The following DTNBP1 variants were observed in gnomAD, a reference collection of about 807,000 sequenced individuals.
DTNBP1 encodes dystrobrevin binding protein 1.
DTNBP1 carries 35 observed loss-of-function variants against 42.8 expected under a neutral mutation model. That is an observed-to-expected ratio of 0.82 (90% confidence interval 0.63 to 1.09). The LOEUF (loss-of-function observed/expected upper bound fraction) is 1.09, where lower values mean the gene tolerates loss of function less well. Ranked by LOEUF, DTNBP1 falls within the 50% of genes least tolerant of loss-of-function variation. The probability of loss-of-function intolerance (pLI) is 0.00; values close to 1 mark genes in which losing one functional copy is unlikely to be tolerated. For missense variants in DTNBP1, 457 were observed against 424.2 expected (o/e 1.08, Z -0.68); for synonymous variants, 171 against 162.2 (o/e 1.05, Z -0.41).
intron 4 of DTNBP1, among the ~76,000 whole-genome samples, chr6:15,634,011 G>A (rs2619550): frequency 6.6e-6 from 1 of 151,774 alleles, no homozygotes; most frequent in Non-Finnish European, 1.5e-5. Context: ...TGGCAATATT[G>A]GCTTTATTGC....
intron 6 of DTNBP1, among the ~76,000 whole-genome samples, chr6:15,603,964 G>C (rs1776829483): frequency 6.6e-6 from 1 of 152,120 alleles, no homozygotes; most frequent in Non-Finnish European, 1.5e-5. Context: ...TCCTCTCTGG[G>C]ACTATGTCCT....
chr6:15,627,169 T>G (rs1275630206), intron 5 of DTNBP1, among the ~76,000 whole-genome samples, 174 bp downstream of exon 5: 3 of 152,134 alleles, frequency 2.0e-5, no homozygotes, highest in Non-Finnish European at 4.4e-5. Flanking sequence ...TTTCTACACT[T>G]TACATCATTT....
intron 7 of DTNBP1, among the ~76,000 whole-genome samples, chr6:15,588,629 A>G (rs1776173014): frequency 6.6e-6 from 1 of 152,230 alleles, no homozygotes; most frequent in Admixed American, 6.5e-5. Context: ...TATGGCATTC[A>G]AGGCTGGGTA....
At chr6:15,618,092 T>C (rs1581399010) in intron 5 of DTNBP1, among the ~76,000 whole-genome samples, 2 of 152,144 alleles carry the variant, frequency 1.3e-5, no homozygotes, top group African/African-American at 4.8e-5. Flanking sequence ...CTATTTTTCA[T>C]AATGGCCCTA....
At chr6:15,645,301 AT>A (rs1350851412) in intron 3 of DTNBP1, among the ~76,000 whole-genome samples, 8 of 151,548 alleles carry the variant, frequency 5.3e-5, no homozygotes, top group African/African-American at 1.9e-4. Flanking sequence ...AATAAAAAAA[AT>A]CTACCAACCA....
intron 7 of DTNBP1, among the ~76,000 whole-genome samples, chr6:15,576,566 A>AG (rs1775581802): frequency 6.6e-6 from 1 of 152,008 alleles, no homozygotes; most frequent in African/African-American, 2.4e-5. Flanking sequence ...CCTTAAGGCC[A>AG]GAAGTTCGAG....
In DTNBP1 at chr6:15,585,385, T is replaced by C. The variant is rs58048374; in HGVS notation, c.511+7674A>G. 3.3e-3 allele frequency among the ~76,000 whole-genome samples: 502 copies of C among 151,746 alleles called. 4 individuals are homozygous for C. The highest frequency in any genetic ancestry group is 0.011 in the African/African-American group (460 of 41,412). On this transcript the variant is annotated intron_variant, in intron 7 of 9. Transcript: ENST00000344537. ...TATATTTATCTTTTAATACAAATAT[T>C]GCTTCATAAAAAATGTCAGTTTGAT...
intron 7 of DTNBP1, among the ~76,000 whole-genome samples, chr6:15,572,585 T>G (rs1775384378): frequency 6.6e-6 from 1 of 152,226 alleles, no homozygotes. Flanking sequence ...ACCCTTTATG[T>G]GTATCAATGC....
chr6:15,612,229 G>C (rs1758446281), intron 6 of DTNBP1, among the ~76,000 whole-genome samples: 1 of 152,150 alleles, frequency 6.6e-6, no homozygotes, highest in Non-Finnish European at 1.5e-5. Flanking sequence ...CTCACTGAAG[G>C]CTGATGATCA....
At chr6:15,591,849 G>A (rs540411001) in intron 7 of DTNBP1, among the ~76,000 whole-genome samples, 25 of 152,176 alleles carry the variant, frequency 1.6e-4, no homozygotes, top group Admixed American at 8.5e-4. Flanking sequence ...CAAAAGAAAA[G>A]AATGAGAAGG....
intron 3 of DTNBP1, among the ~76,000 whole-genome samples, chr6:15,644,511 A>C (rs1190269023): frequency 6.6e-6 from 1 of 152,170 alleles, no homozygotes; most frequent in Non-Finnish European, 1.5e-5. Flanking sequence ...ACAGTCTCTA[A>C]AATTGACCAC....
chr6:15,530,570 C>A (rs1325687805), intron 8 of DTNBP1, among the ~76,000 whole-genome samples: 3 of 152,152 alleles, frequency 2.0e-5, no homozygotes, highest in Non-Finnish European at 4.4e-5. Flanking sequence ...AGCTGTGGAG[C>A]AACTGCAGTA....
chr6:15,655,534 A>C (rs545473519), intron 1 of DTNBP1, among the ~76,000 whole-genome samples: 126 of 152,318 alleles, frequency 8.3e-4, no homozygotes, highest in African/African-American at 3.0e-3. Flanking sequence ...AAACTGTTGG[A>C]GAAAACAAAG....
intron 4 of DTNBP1, among the ~76,000 whole-genome samples, chr6:15,628,132 A>C (rs1413721539): frequency 2.6e-5 from 4 of 152,180 alleles, no homozygotes; most frequent in Non-Finnish European, 5.9e-5. Flanking sequence ...TTTGCTAAAG[A>C]CTATAAAGAA....
intron 7 of DTNBP1, among the ~76,000 whole-genome samples, chr6:15,555,420 G>A (rs974092413): frequency 6.6e-6 from 1 of 152,006 alleles, no homozygotes; most frequent in African/African-American, 2.4e-5. Flanking sequence ...GGATGAGATA[G>A]GAAGTCAGCA....
In DTNBP1 at chr6:15,533,297, G is replaced by A. The variant is rs1461137170; in HGVS notation, c.610C>T (p.Gln204Ter). 4 of 1,614,054 alleles carry A rather than the reference G, an allele frequency of 2.5e-6. No homozygotes were observed. Among genetic ancestry groups the A allele is most frequent in the African/African-American group, 1.3e-5 (1 of 74,910 alleles). Residue 204 changes from glutamine (Q) to a stop codon, truncating the protein, a stop_gained, in exon 8 of 10, where the codon CAG becomes TAG. Coordinates refer to ENST00000344537, the MANE Select transcript of DTNBP1 (RefSeq NM_032122.5). LOFTEE classifies it high-confidence loss of function. ...ERQKFFEEAF[Q>*]QDMEQYLSTG... ...GACAGGTACTGCTCCATGTCCTGCT[G>A]GAAGGCTTCCTCAAAAAACTTCTGC... is the stretch of plus-strand genomic sequence containing the variant.
intron 7 of DTNBP1, among the ~76,000 whole-genome samples, chr6:15,572,201 T>C (rs1775368713): frequency 6.6e-6 from 1 of 152,236 alleles, no homozygotes; most frequent in Non-Finnish European, 1.5e-5. Context: ...AAACATATTG[T>C]TCCCATTTTA....
At chr6:15,528,787 A>G (rs1448202844) in intron 8 of DTNBP1, among the ~76,000 whole-genome samples, 2 of 152,124 alleles carry the variant, frequency 1.3e-5, no homozygotes, top group Admixed American at 6.5e-5. Flanking sequence ...TATATACCCT[A>G]AAGAAATGGT....
chr6:15,561,184 GAAA>G (rs1165256984), intron 7 of DTNBP1, among the ~76,000 whole-genome samples: 3 of 152,174 alleles, frequency 2.0e-5, no homozygotes, highest in Non-Finnish European at 4.4e-5. Flanking sequence ...AAGCTCAGAA[GAAA>G]CAAGAGGGAT....
Sources: allele counts gnomAD v4.1 joint callset (sites outside exome capture counted in the v4.1 genomes callset), GRCh38; gene constraint gnomAD v4.1.1; transcripts MANE v1.5; gene names NCBI Gene and HGNC (gene_info 2026-07-23, HGNC 2026-07-21).